The following RSPH3 variants were observed in gnomAD, a reference collection of about 807,000 sequenced individuals.
RSPH3 encodes the protein radial spoke head protein 3 homolog.
In RSPH3, 21 loss-of-function variants were observed where a neutral mutation model predicts 43.8. The ratio of observed to expected loss-of-function variants is 0.48; its 90% CI spans 0.34 to 0.69. RSPH3 has a LOEUF of 0.69. RSPH3 is among the 30% of genes least tolerant of loss of function. The pLI is 0.01. For missense variants in RSPH3, 487 were observed against 516.0 expected (o/e 0.94, Z 0.54); for synonymous variants, 173 against 179.8 (o/e 0.96, Z 0.30).
At chr6:158,972,325 T>C (rs1297362345), downstream of RSPH3, among the ~76,000 whole-genome samples, 1 of 152,058 alleles carries the variant, frequency 6.6e-6, no homozygotes, top group African/African-American at 2.4e-5. Context: ...TAACTGACCA[T>C]CTGTTAAGGA....
chr6:158,998,825 G>A (rs1312589725), intron 1 of RSPH3, among the ~76,000 whole-genome samples: 1 of 152,014 alleles, frequency 6.6e-6, no homozygotes, highest in Non-Finnish European at 1.5e-5. Flanking sequence ...AGCGGAGATC[G>A]CGTCATTGCA....
At chr6:158,967,100 C>T in the RSPH3 span, among the ~76,000 whole-genome samples, 1 of 151,866 alleles carries the variant, frequency 6.6e-6, no homozygotes, top group East Asian at 1.9e-4. Flanking sequence ...GCCTTGAACT[C>T]CCTGGGCTCA....
intron 2 of RSPH3, among the ~76,000 whole-genome samples, chr6:158,987,643 T>C (rs1019824070): frequency 2.0e-5 from 3 of 152,188 alleles, no homozygotes; most frequent in Admixed American, 1.3e-4. Context: ...GCATTGTGGT[T>C]ACCATGAGGC....
intron 5 of RSPH3, among the ~76,000 whole-genome samples, chr6:158,982,263 T>C (rs1778056765): frequency 6.6e-6 from 1 of 152,188 alleles, no homozygotes; most frequent in African/African-American, 2.4e-5. Context: ...TTTTGGAAAC[T>C]CAATTTAGGT....
At chr6:158,994,025 T>C (rs1409786883) in intron 1 of RSPH3, 99 bp from the exon 2 acceptor site, 3 of 626,900 alleles carry the variant, frequency 4.8e-6, no homozygotes, top group South Asian at 2.4e-5. Flanking sequence ...CAATATATTT[T>C]AAGAAAATAA....
the RSPH3 span, among the ~76,000 whole-genome samples, chr6:158,964,210 C>T: frequency 6.6e-6 from 1 of 152,174 alleles, no homozygotes; most frequent in Admixed American, 6.5e-5. Context: ...CCACCCTCTC[C>T]TCTAATATAA....
intron 1 of RSPH3, among the ~76,000 whole-genome samples, chr6:158,998,297 CAAAAAAAAAA>C (rs71297000): frequency 1.9e-5 from 1 of 53,922 alleles, no homozygotes; most frequent in African/African-American, 6.5e-5. Flanking sequence ...TAAAAAAATA[CAAAAAAAAAA>C]AAAAAAAAAA....
chr6:158,974,150 T>C lies in RSPH3; in HGVS notation c.*3388A>G, dbSNP rs542747499. 1 of 152,364 alleles carries C rather than the reference T, an allele frequency of 6.6e-6. No homozygotes were observed. The highest frequency in any genetic ancestry group is 2.4e-5 in the African/African-American group (1 of 41,592). 9.4% of individuals were successfully genotyped at this position (152,364 alleles called of 1,614,324 possible). Reference sequence around the variant, plus strand: ...ATTTACTATCTGTTCTTCATTTTATTATTATTTAGCTTCTGTTAACTCAGT... The same window carrying C: ...ATTTACTATCTGTTCTTCATTTTATCATTATTTAGCTTCTGTTAACTCAGT... On this transcript the variant is annotated 3_prime_UTR_variant, in exon 8 of 8. Transcript: ENST00000367069.
At chr6:158,986,780 CTTATTA>C (rs915966344) in intron 2 of RSPH3, among the ~76,000 whole-genome samples, 56 of 152,134 alleles carry the variant, frequency 3.7e-4, no homozygotes, top group African/African-American at 1.4e-3. Flanking sequence ...CAAGATTCCT[CTTATTA>C]TTGATTTCTA....
rs1219465453 is a variant in RSPH3, at chr6:158,996,832, A to C, written c.116+2603T>G. ...GGTCTGGATATGGTTTGTCGTCTCC[A>C]CTAAAACTCACATGGAAATTTAATT... is the stretch of plus-strand genomic sequence containing the variant. On this transcript the variant is annotated intron_variant, in intron 1 of 7. Transcript: ENST00000367069. Among the ~76,000 whole-genome samples the C allele has an allele frequency of 2.0e-5, 3 of 152,184 alleles. No homozygotes were observed. In the East Asian group the frequency reaches 5.8e-4, roughly 29 times the overall value.
intron 1 of RSPH3, among the ~76,000 whole-genome samples, chr6:158,994,661 T>C (rs1468176773): frequency 6.6e-6 from 1 of 151,858 alleles, no homozygotes; most frequent in Non-Finnish European, 1.5e-5. Flanking sequence ...AAAAAATAAA[T>C]AAATAAATAA....
chr6:158,986,195 G>A, intron 3 of RSPH3, 85 bp downstream of exon 3: 1 of 1,330,370 alleles, frequency 7.5e-7, no homozygotes, highest in Non-Finnish European at 1.1e-6. Flanking sequence ...AGAGGCATAA[G>A]TAATACAAAG....
At position 158,978,258 on chromosome 6, in the gene RSPH3, A is replaced by G. The variant is rs1421222029; in HGVS notation, c.946+2T>C. 1 of 1,482,910 alleles carries G rather than the reference A, an allele frequency of 6.7e-7. No homozygotes were observed. Among genetic ancestry groups the G allele is most frequent in the Non-Finnish European group, 9.4e-7 (1 of 1,069,060 alleles). 91.9% of individuals were successfully genotyped at this position (1,482,910 alleles called of 1,614,324 possible). ...GATGAATTTTTGGATAAAATAACTT[A>G]CTGTCAAGCACTGTTCTTCCCACCA... is the stretch of plus-strand genomic sequence containing the variant. On this transcript the variant is annotated splice_donor_variant, in intron 7 of 7. Transcript: ENST00000367069. LOFTEE classifies it high-confidence loss of function.
At chr6:158,965,672 A>G in the RSPH3 span, among the ~76,000 whole-genome samples, 3 of 152,074 alleles carry the variant, frequency 2.0e-5, no homozygotes, top group Non-Finnish European at 2.9e-5. Flanking sequence ...ATTACTTCTA[A>G]TAGTGTTTTC....
chr6:158,981,682 T>C (rs147194989), intron 5 of RSPH3, among the ~76,000 whole-genome samples: 1 of 152,304 alleles, frequency 6.6e-6, no homozygotes, highest in East Asian at 1.9e-4. Flanking sequence ...CACAACTAAG[T>C]ATTCATCTTA....
intron 2 of RSPH3, among the ~76,000 whole-genome samples, chr6:158,993,636 C>T (rs761346743): frequency 6.6e-6 from 1 of 152,130 alleles, no homozygotes; most frequent in Non-Finnish European, 1.5e-5. Context: ...AACTCCCTCC[C>T]TGGTCCCCTC....
At chr6:158,981,038 G>A in intron 5 of RSPH3, 102 bp from the exon 6 acceptor site, 1 of 1,098,906 alleles carries the variant, frequency 9.1e-7, no homozygotes, top group Non-Finnish European at 1.3e-6. Context: ...ATCAAAAAAT[G>A]GACAGCGAGG....
chr6:158,992,987 C>T (rs1778466994), intron 2 of RSPH3, among the ~76,000 whole-genome samples: 1 of 152,150 alleles, frequency 6.6e-6, no homozygotes, highest in Non-Finnish European at 1.5e-5. Context: ...AGACAAGTGC[C>T]ACTCAAAATG....
chr6:158,978,298 G>T lies in RSPH3; in HGVS notation c.908C>A (p.Thr303Asn). Residue 303 changes from threonine to asparagine, a missense_variant, in exon 7 of 8, where the codon ACC (threonine) becomes AAC (asparagine). By Grantham distance (65) the Thr-to-Asn change is moderately conservative. Transcript: ENST00000367069. ...TCTTCCCACCATGCTATATTCCATG[G>T]TTTTTTCAACTTCATTCATTAGCCA... is the stretch of plus-strand genomic sequence containing the variant. ...LPWLMNEVEK[T>N]MEYSMVGRTV... 1 of 1,585,340 alleles carries T rather than the reference G, an allele frequency of 6.3e-7. No individual in the cohort carries two copies. The highest frequency in any genetic ancestry group is 8.7e-7 in the Non-Finnish European group (1 of 1,155,618).
Sources: allele counts gnomAD v4.1 joint callset (sites outside exome capture counted in the v4.1 genomes callset), GRCh38; gene constraint gnomAD v4.1.1; transcripts MANE v1.5; gene names NCBI Gene and HGNC (gene_info 2026-07-23, HGNC 2026-07-21).